The following ABTB2 variants were observed in gnomAD, a reference collection of about 807,000 sequenced individuals.
The protein encoded by ABTB2 is ankyrin repeat and BTB domain containing 2.
ABTB2 carries 56 observed loss-of-function variants against 104.1 expected under a neutral mutation model. That is an observed-to-expected ratio of 0.54 (90% CI 0.43 to 0.67). The LOEUF is 0.67. Ranked by LOEUF, ABTB2 falls within the 30% of genes least tolerant of loss-of-function variation. ABTB2 has a pLI of 0.00. For missense variants in ABTB2, 1,279 were observed against 1,407.7 expected (o/e 0.91, Z 1.46); for synonymous variants, 606 against 608.2 (o/e 1.00, Z 0.05).
chr11:34,176,795 C>T (rs1293634763), intron 3 of ABTB2, among the ~76,000 whole-genome samples: 1 of 152,188 alleles, frequency 6.6e-6, no homozygotes, highest in African/African-American at 2.4e-5. Context: ...GTATAATTTT[C>T]AAGAGCCTAG....
At chr11:34,237,030 C>T (rs775246440) in intron 1 of ABTB2, among the ~76,000 whole-genome samples, 6 of 152,128 alleles carry the variant, frequency 3.9e-5, no homozygotes, top group East Asian at 1.9e-4. Context: ...TTTATGGAGT[C>T]GTGGCCAAGA....
At chr11:34,321,043 A>G (rs1298630064) in intron 1 of ABTB2, among the ~76,000 whole-genome samples, 1 of 152,032 alleles carries the variant, frequency 6.6e-6, no homozygotes, top group Non-Finnish European at 1.5e-5. Flanking sequence ...TTAGCTGGGC[A>G]TGGTGGCGCA....
rs73505471 is a variant in ABTB2, at chr11:34,156,000, A to G, written c.2698-1231T>C. 5.5e-3 allele frequency among the ~76,000 whole-genome samples: 841 copies of G among 152,270 alleles called. 9 individuals carry two copies. The highest frequency in any genetic ancestry group is 0.019 in the African/African-American group (793 of 41,544). ...GCCCCTCATACAGGGTTGGGGTTAG[A>G]GCACCAGGCAGGCAGGTCAGATCTT... On this transcript the variant is annotated intron_variant, in intron 14 of 16. Transcript: ENST00000435224.
intron 1 of ABTB2, among the ~76,000 whole-genome samples, chr11:34,262,362 C>T (rs1264608692): frequency 6.6e-6 from 1 of 152,170 alleles, no homozygotes; most frequent in East Asian, 1.9e-4. Context: ...AAACCTAAGG[C>T]TCAGATGTAA....
At chr11:34,269,651 T>C (rs1025555244) in intron 1 of ABTB2, among the ~76,000 whole-genome samples, 6 of 152,188 alleles carry the variant, frequency 3.9e-5, no homozygotes, top group African/African-American at 1.2e-4. Flanking sequence ...ACAGAGAAAT[T>C]TGAACTTCAC....
chr11:34,183,449 C>A (rs1853053604), intron 3 of ABTB2, among the ~76,000 whole-genome samples: 1 of 152,194 alleles, frequency 6.6e-6, no homozygotes, highest in African/African-American at 2.4e-5. Context: ...ACTGGGACTA[C>A]CGGGTGTAAA....
intron 1 of ABTB2, among the ~76,000 whole-genome samples, chr11:34,328,960 A>C (rs952814180): frequency 6.6e-6 from 1 of 152,238 alleles, no homozygotes; most frequent in South Asian, 2.1e-4. Context: ...TAAAACTTCA[A>C]GTATGTCAAG....
At chr11:34,177,613 G>A (rs1315320253) in intron 3 of ABTB2, among the ~76,000 whole-genome samples, 1 of 152,130 alleles carries the variant, frequency 6.6e-6, no homozygotes, top group Admixed American at 6.5e-5. Context: ...AGGCTTCAGA[G>A]TAGTGGTAGT....
In ABTB2 at chr11:34,307,762, G is replaced by A. The variant is rs970434020; in HGVS notation, c.883+48939C>T. Among the ~76,000 whole-genome samples, 22 of 151,318 alleles carry A rather than the reference G, an allele frequency of 1.5e-4. 1 individual carries two copies. Among genetic ancestry groups the A allele is most frequent in the Admixed American group, 1.2e-3 (18 of 15,202 alleles). On this transcript the variant is annotated intron_variant, in intron 1 of 16. Coordinates refer to ENST00000435224, the MANE Select transcript of ABTB2 (RefSeq NM_145804.3). Reference sequence around the variant, plus strand: ...CGCCCAGGCTGGAGTGCAGTGGTGCGATCTCGGCTCACCGCAACCTCCGTC... The same window carrying A: ...CGCCCAGGCTGGAGTGCAGTGGTGCAATCTCGGCTCACCGCAACCTCCGTC...
chr11:34,293,018 G>A (rs865898164), intron 1 of ABTB2, among the ~76,000 whole-genome samples: 22 of 152,186 alleles, frequency 1.4e-4, no homozygotes, highest in Admixed American at 1.3e-4. Context: ...GTGGGGTCAA[G>A]GAGACAGGTT....
intron 1 of ABTB2, among the ~76,000 whole-genome samples, chr11:34,311,531 A>T (rs1854854171): frequency 6.6e-6 from 1 of 152,214 alleles, no homozygotes; most frequent in South Asian, 2.1e-4. Context: ...AGAGCGCCTC[A>T]CGTAAATAGA....
At position 34,204,644 on chromosome 11, in the gene ABTB2, G is replaced by A; in HGVS notation, c.930C>T (p.Ser310=). The A allele has an allele frequency of 6.2e-7, 1 of 1,611,866 alleles. No homozygotes were observed. The highest frequency in any genetic ancestry group is 1.3e-5 in the African/African-American group (1 of 75,056). The stretch of plus-strand genomic sequence containing the variant: ...CATCGGCTCGCTCGTCATGGCCCAG[G>A]GACCCGCCGTTGTAGGGGCTGAAGT... ...PAYFSPYNGG[S]LGHDERADAY... is the part of the protein sequence containing the mutation. Residue 310 remains serine, a synonymous_variant, in exon 2 of 17, where the codon TCC becomes TCT. Coordinates refer to ENST00000435224, the MANE Select transcript of ABTB2 (RefSeq NM_145804.3).
chr11:34,208,743 A>G (rs537988173), intron 1 of ABTB2, among the ~76,000 whole-genome samples: 1 of 152,114 alleles, frequency 6.6e-6, no homozygotes, highest in African/African-American at 2.4e-5. Flanking sequence ...CGGTTGCCCA[A>G]GGAGAGACCT....
intron 1 of ABTB2, among the ~76,000 whole-genome samples, chr11:34,237,047 G>C (rs1195878462): frequency 6.6e-6 from 1 of 152,158 alleles, no homozygotes; most frequent in Non-Finnish European, 1.5e-5. Context: ...AAGAGTAGGG[G>C]CTTTGGGGAC....
At chr11:34,200,688 A>T (rs57949468) in intron 2 of ABTB2, among the ~76,000 whole-genome samples, 194 of 152,310 alleles carry the variant, frequency 1.3e-3, no homozygotes, top group African/African-American at 4.5e-3. Context: ...TTTTTCAGCC[A>T]CCCTGTGAAG....
intron 1 of ABTB2, among the ~76,000 whole-genome samples, chr11:34,330,275 C>A (rs1590258780): frequency 6.6e-6 from 1 of 152,146 alleles, no homozygotes; most frequent in African/African-American, 2.4e-5. Context: ...TTGGGTAGAT[C>A]TAGGTTCAAA....
At chr11:34,316,867 G>T (rs1299314388) in intron 1 of ABTB2, among the ~76,000 whole-genome samples, 1 of 152,194 alleles carries the variant, frequency 6.6e-6, no homozygotes, top group African/African-American at 2.4e-5. Flanking sequence ...TATGTGGGAA[G>T]CTTGTGATAC....
At chr11:34,277,181 C>T (rs150206756) in intron 1 of ABTB2, among the ~76,000 whole-genome samples, 3 of 152,296 alleles carry the variant, frequency 2.0e-5, no homozygotes, top group Admixed American at 6.5e-5. Flanking sequence ...GGATTACAGG[C>T]GTAAGCCACC....
chr11:34,285,308 C>T (rs1285005039), intron 1 of ABTB2, among the ~76,000 whole-genome samples: 7 of 152,050 alleles, frequency 4.6e-5, no homozygotes, highest in African/African-American at 9.7e-5. Flanking sequence ...CAGAGTTAGG[C>T]GGGTGCTATC....
Sources: gnomAD v4.1 joint callset for allele counts (sites outside exome capture counted in the v4.1 genomes callset) on GRCh38, gnomAD v4.1.1 for gene constraint, MANE v1.5 for transcripts, NCBI Gene and HGNC (gene_info 2026-07-23, HGNC 2026-07-21) for gene names.